FAM107B: variants seen among roughly 807,000 people sequenced by gnomAD.
FAM107B encodes the protein family with sequence similarity 107 member B.
Under a neutral mutation model 31.5 loss-of-function variants are expected in FAM107B, and 21 were observed. The ratio of observed to expected loss-of-function variants is 0.67; its 90% confidence interval spans 0.47 to 0.96. The LOEUF is 0.96. FAM107B is among the 40% of genes least tolerant of loss of function. The probability of loss-of-function intolerance (pLI) is 0.00; values close to 1 mark genes in which losing one functional copy is unlikely to be tolerated. For missense variants in FAM107B, 452 were observed against 377.1 expected (o/e 1.20, Z -1.64); for synonymous variants, 157 against 141.5 (o/e 1.11, Z -0.78).
chr10:14,699,288 A>G (rs1855340868), intron 1 of FAM107B, among the ~76,000 whole-genome samples: 2 of 152,152 alleles, frequency 1.3e-5, no homozygotes, highest in Non-Finnish European at 2.9e-5. Flanking sequence ...GTGGAGAAGG[A>G]GATTTCTTAT....
intron 3 of FAM107B, among the ~76,000 whole-genome samples, chr10:14,527,706 T>C (rs934742395): frequency 1.3e-5 from 2 of 152,194 alleles, no homozygotes; most frequent in African/African-American, 4.8e-5. Context: ...TGTTATAAAC[T>C]ACAGAAAAGC....
chr10:14,547,800 G>A (rs1848838667), intron 2 of FAM107B, among the ~76,000 whole-genome samples: 2 of 152,188 alleles, frequency 1.3e-5, no homozygotes, highest in African/African-American at 4.8e-5. Context: ...TGTTTTTTCT[G>A]TAGGCTTAAA....
intron 1 of FAM107B, among the ~76,000 whole-genome samples, chr10:14,728,384 C>G (rs964636465): frequency 6.6e-6 from 1 of 150,894 alleles, no homozygotes; most frequent in African/African-American, 2.4e-5. Context: ...GTAGAAATTA[C>G]TATTTTTGAA....
At chr10:14,556,411 AAAGGAAAT>A in intron 2 of FAM107B, 1 of 985,498 alleles carries the variant, frequency 1.0e-6, no homozygotes, top group Non-Finnish European at 1.2e-6. Flanking sequence ...TCTGGCTGAA[AAAGGAAAT>A]ACACCAGTCA....
chr10:14,662,596 T>A (rs754275231), intron 2 of FAM107B, among the ~76,000 whole-genome samples: 17 of 152,158 alleles, frequency 1.1e-4, no homozygotes, highest in Non-Finnish European at 2.1e-4. Flanking sequence ...CAGGTTGATC[T>A]CTGTCCTTCT....
chr10:14,587,746 G>A (rs1851890829), intron 2 of FAM107B, among the ~76,000 whole-genome samples: 1 of 152,220 alleles, frequency 6.6e-6, no homozygotes, highest in African/African-American at 2.4e-5. Context: ...GAGGCAAGGT[G>A]GGTGACAGTA....
intron 1 of FAM107B, chr10:14,723,112 G>A (rs1855950981): frequency 2.5e-6 from 1 of 393,590 alleles, no homozygotes; most frequent in Non-Finnish European, 5.0e-6. Context: ...AGAGATTGAT[G>A]TTTATTTTCC....
At chr10:14,711,278 G>A (rs1855640229) in intron 1 of FAM107B, among the ~76,000 whole-genome samples, 2 of 152,212 alleles carry the variant, frequency 1.3e-5, no homozygotes, top group Admixed American at 1.3e-4. Context: ...GTAGTATGCA[G>A]TAATGTCCTA....
At chr10:14,675,235 C>T (rs960821047) in intron 1 of FAM107B, among the ~76,000 whole-genome samples, 2 of 152,112 alleles carry the variant, frequency 1.3e-5, no homozygotes, top group Non-Finnish European at 2.9e-5. Context: ...ATAAGCTGGG[C>T]GTTGGGAACT....
At chr10:14,554,203 C>G (rs1849506125) in intron 2 of FAM107B, 14 of 967,114 alleles carry the variant, frequency 1.4e-5, no homozygotes, top group Non-Finnish European at 1.5e-5. Flanking sequence ...CACTGCCTTA[C>G]TCCACAAACA....
At position 14,767,041 on chromosome 10, in the gene FAM107B, TATATATATATATATAGAG is replaced by T. The variant is rs1317282611; in HGVS notation, c.411+7194_411+7211del. Among the ~76,000 whole-genome samples the T allele has an allele frequency of 6.9e-4, 25 of 36,304 alleles. 2 individuals carry two copies. The highest frequency in any genetic ancestry group is 4.6e-3 in the East Asian group (4 of 874). The allele number at this position is 36,304 out of a possible 152,430, so 23.8% of individuals were successfully genotyped here. A position where few individuals can be genotyped will look rare whatever the true frequency, so the allele number is the denominator to read the frequency against. Reference sequence around the variant, plus strand: ...ATGTGTATGTATATATATATATATATATATATATATATATAGAGAGAGAGAGAGAGAGAGAGAGAGAGA... The same window carrying T: ...ATGTGTATGTATATATATATATATATAGAGAGAGAGAGAGAGAGAGAGAGA... On this transcript the variant is annotated intron_variant, in intron 1 of 4. Coordinates refer to ENST00000181796, the MANE Select transcript of FAM107B (RefSeq NM_031453.4).
intron 2 of FAM107B, among the ~76,000 whole-genome samples, chr10:14,533,673 C>G (rs1380546406): frequency 1.3e-5 from 2 of 152,226 alleles, no homozygotes; most frequent in Non-Finnish European, 2.9e-5. Context: ...CCCACTCAGC[C>G]TTTCCTGGAC....
intron 1 of FAM107B, among the ~76,000 whole-genome samples, chr10:14,725,840 T>C (rs1489013668): frequency 6.7e-6 from 1 of 148,938 alleles, no homozygotes; most frequent in Non-Finnish European, 1.5e-5. Context: ...TTTTTTTTTT[T>C]TTGGAAATGG....
intron 1 of FAM107B, chr10:14,723,477 G>A (rs1430968228): frequency 7.0e-6 from 4 of 571,744 alleles, no homozygotes; most frequent in Non-Finnish European, 1.3e-5. Flanking sequence ...CCTGTCACGG[G>A]TGTTTACAGG....
chr10:14,687,050 G>A (rs1482652797), intron 1 of FAM107B, among the ~76,000 whole-genome samples: 1 of 152,230 alleles, frequency 6.6e-6, no homozygotes, highest in African/African-American at 2.4e-5. Flanking sequence ...CCTCAGAGAT[G>A]CTGAACGATT....
At chr10:14,603,689 TG>T in intron 2 of FAM107B, among the ~76,000 whole-genome samples, 1 of 152,322 alleles carries the variant, frequency 6.6e-6, no homozygotes, top group Non-Finnish European at 1.5e-5. Flanking sequence ...CTGGGTTCAC[TG>T]GAACAGGGGA....
rs146933810 is a variant in FAM107B, at chr10:14,600,987, A to G, written c.469+66647T>C. Among the ~76,000 whole-genome samples the G allele has an allele frequency of 1.6e-3, 250 of 151,910 alleles. 3 individuals are homozygous for G. The highest frequency in any genetic ancestry group is 5.8e-3 in the African/African-American group (242 of 41,420). Reference sequence around the variant, plus strand: ...TCACTATGTTGCCCAGGCTGGTCTCACACTCCTGGCCTCAAGCAGTCCTCC... The same window carrying G: ...TCACTATGTTGCCCAGGCTGGTCTCGCACTCCTGGCCTCAAGCAGTCCTCC... On this transcript the variant is annotated intron_variant, in intron 2 of 4. Transcript: ENST00000181796.
chr10:14,736,646 A>G (rs1007691666), intron 1 of FAM107B, among the ~76,000 whole-genome samples: 1 of 152,230 alleles, frequency 6.6e-6, no homozygotes, highest in African/African-American at 2.4e-5. Flanking sequence ...AAGATCCATG[A>G]AAAACCTTCA....
chr10:14,651,598 G>A (rs192367806), intron 2 of FAM107B, among the ~76,000 whole-genome samples: 10 of 152,174 alleles, frequency 6.6e-5, no homozygotes, highest in South Asian at 4.1e-4. Context: ...GTGAAACCCC[G>A]TCTCAAAAAA....
Sources: allele counts gnomAD v4.1 joint callset (sites outside exome capture counted in the v4.1 genomes callset), GRCh38; gene constraint gnomAD v4.1.1; transcripts MANE v1.5; gene names NCBI Gene and HGNC (gene_info 2026-07-23, HGNC 2026-07-21).